The following CACNA2D3 variants were observed in gnomAD, a reference collection of about 807,000 sequenced individuals.
CACNA2D3 encodes voltage-dependent calcium channel subunit alpha-2/delta-3.
Under a neutral mutation model 160.6 loss-of-function variants are expected in CACNA2D3, and 60 were observed. The observed-to-expected ratio is 0.37, with a 90% CI of 0.30 to 0.46. CACNA2D3 has a LOEUF of 0.46. CACNA2D3 is among the 20% of genes least tolerant of loss of function. The pLI is 1.00. For synonymous variants in CACNA2D3, 558 were observed against 492.9 expected (o/e 1.13, Z -1.75); for missense variants, 1,205 against 1,365.0 (o/e 0.88, Z 1.85).
intron 4 of CACNA2D3, among the ~76,000 whole-genome samples, chr3:54,446,060 C>T (rs1700217711): frequency 6.6e-6 from 1 of 152,242 alleles, no homozygotes; most frequent in Admixed American, 6.5e-5. Context: ...GTTGGACTGC[C>T]TGTGGGTTCC....
intron 30 of CACNA2D3, among the ~76,000 whole-genome samples, chr3:54,987,409 T>G (rs1702638307): frequency 6.6e-6 from 1 of 152,200 alleles, no homozygotes; most frequent in South Asian, 2.1e-4. Context: ...GGTATGTGTG[T>G]GTGCACATGT....
intron 13 of CACNA2D3, among the ~76,000 whole-genome samples, chr3:54,783,056 G>T (rs2107133005): frequency 6.6e-6 from 1 of 152,224 alleles, no homozygotes; most frequent in Non-Finnish European, 1.5e-5. Context: ...TAAGGAAATG[G>T]GATAATTCAT....
chr3:55,019,537 A>G (rs1703402262), intron 35 of CACNA2D3, among the ~76,000 whole-genome samples: 2 of 152,136 alleles, frequency 1.3e-5, no homozygotes, highest in African/African-American at 2.4e-5. Flanking sequence ...CATAAATAGT[A>G]TATACTTAAA....
chr3:54,839,325 TG>T (rs1698769751), intron 16 of CACNA2D3, among the ~76,000 whole-genome samples: 1 of 151,802 alleles, frequency 6.6e-6, no homozygotes, highest in African/African-American at 2.4e-5. Context: ...TATTTCCTGG[TG>T]GGGACTCTTT....
At chr3:54,709,068 G>A (rs1700907223) in intron 11 of CACNA2D3, among the ~76,000 whole-genome samples, 2 of 148,672 alleles carry the variant, frequency 1.3e-5, no homozygotes, top group African/African-American at 5.0e-5. Flanking sequence ...AGAGTGCAAT[G>A]ACTCAATGTC....
At chr3:54,690,293 T>A (rs1351605544) in intron 11 of CACNA2D3, among the ~76,000 whole-genome samples, 1 of 152,200 alleles carries the variant, frequency 6.6e-6, no homozygotes, top group Non-Finnish European at 1.5e-5. Context: ...TTGCTTAATT[T>A]TTTTTCCCAT....
chr3:54,171,307 C>A (rs899509177), intron 2 of CACNA2D3, among the ~76,000 whole-genome samples: 3 of 151,666 alleles, frequency 2.0e-5, no homozygotes, highest in Non-Finnish European at 4.4e-5. Flanking sequence ...TTCTCGAGTG[C>A]TATCGGGTAC....
rs116266280 is a variant in CACNA2D3 at position 54,325,305 on chromosome 3, G to A, written c.321+4747G>A. Among the ~76,000 whole-genome samples, 712 of 152,154 alleles carry A rather than the reference G, an allele frequency of 4.7e-3. 5 individuals are homozygous for A. Among genetic ancestry groups the A allele is most frequent in the African/African-American group, 0.016 (682 of 41,498 alleles). On this transcript the variant is annotated intron_variant, in intron 3 of 37. Coordinates refer to ENST00000474759, the MANE Select transcript of CACNA2D3 (RefSeq NM_018398.3). The stretch of plus-strand genomic sequence containing the variant: ...TGTCATGATCCTGTAATTTTGGTGC[G>A]GTACATATAACTGAGATGAGCAGCA...
intron 2 of CACNA2D3, 147 bp from the exon 3 acceptor site, chr3:54,320,295 A>G: frequency 2.0e-6 from 1 of 501,620 alleles, no homozygotes; most frequent in Non-Finnish European, 3.5e-6. Flanking sequence ...TAATTTTGAA[A>G]CACAGTTTAA....
At chr3:54,709,392 C>G (rs1418477107) in intron 11 of CACNA2D3, among the ~76,000 whole-genome samples, 1 of 151,534 alleles carries the variant, frequency 6.6e-6, no homozygotes, top group Middle Eastern at 3.4e-3. Context: ...GAGAGGGTCT[C>G]CCTCTGTTGC....
chr3:54,899,893 A>T, intron 27 of CACNA2D3, 25 bp downstream of exon 27: 1 of 1,505,026 alleles, frequency 6.6e-7, no homozygotes, highest in Non-Finnish European at 9.1e-7. Context: ...GAATCCATGA[A>T]GACAAAGTAA....
chr3:54,587,525 C>G (rs1702782964), intron 9 of CACNA2D3, among the ~76,000 whole-genome samples: 1 of 151,700 alleles, frequency 6.6e-6, no homozygotes, highest in Non-Finnish European at 1.5e-5. Flanking sequence ...CCACTGCACT[C>G]CAGCCTGGCG....
chr3:54,720,810 G>A (rs1426066330), intron 11 of CACNA2D3, among the ~76,000 whole-genome samples: 1 of 151,996 alleles, frequency 6.6e-6, no homozygotes, highest in East Asian at 1.9e-4. Flanking sequence ...ATATTTTCCT[G>A]TCGAATCAGC....
chr3:54,487,486 C>T (rs1228047519), intron 4 of CACNA2D3, among the ~76,000 whole-genome samples: 1 of 152,226 alleles, frequency 6.6e-6, no homozygotes, highest in East Asian at 1.9e-4. Context: ...GACTTCTGCT[C>T]TTGGATCCAT....
chr3:54,737,641 A>G (rs1436302040), intron 11 of CACNA2D3, among the ~76,000 whole-genome samples: 2 of 152,132 alleles, frequency 1.3e-5, no homozygotes, highest in Non-Finnish European at 2.9e-5. Context: ...GAAGGCCTCT[A>G]TAGAGCTGTG....
chr3:54,246,414 C>T (rs561621770), intron 2 of CACNA2D3, among the ~76,000 whole-genome samples: 3 of 152,142 alleles, frequency 2.0e-5, no homozygotes, highest in Admixed American at 6.6e-5. Flanking sequence ...ACCTGGGGGC[C>T]GGATGCGATG....
intron 5 of CACNA2D3, among the ~76,000 whole-genome samples, chr3:54,520,312 C>T (rs1575500906): frequency 6.6e-6 from 1 of 152,164 alleles, no homozygotes; most frequent in Non-Finnish European, 1.5e-5. Context: ...AGTGTCTTGG[C>T]CCAGCAGTGG....
At chr3:54,394,282 G>C (rs1699334144) in intron 4 of CACNA2D3, among the ~76,000 whole-genome samples, 2 of 151,166 alleles carry the variant, frequency 1.3e-5, no homozygotes, top group Non-Finnish European at 2.9e-5. Context: ...CTGGTGTGTA[G>C]GCAATCTGCC....
At chr3:54,205,486 C>T (rs370202291) in intron 2 of CACNA2D3, among the ~76,000 whole-genome samples, 35 of 152,148 alleles carry the variant, frequency 2.3e-4, no homozygotes, top group East Asian at 1.5e-3. Context: ...GGCTTAGCAA[C>T]GAAAATGTGT....
Sources: allele counts gnomAD v4.1 joint callset (sites outside exome capture counted in the v4.1 genomes callset), GRCh38; gene constraint gnomAD v4.1.1; transcripts MANE v1.5; gene names NCBI Gene and HGNC (gene_info 2026-07-23, HGNC 2026-07-21).